The following FRMD4A variants were observed in gnomAD, a reference collection of about 807,000 sequenced individuals.
FRMD4A encodes the protein FERM domain-containing protein 4A.
A neutral mutation model predicts 129.1 loss-of-function variants in FRMD4A; 29 were observed. That is an observed-to-expected ratio of 0.22 (90% confidence interval 0.17 to 0.31). FRMD4A has a LOEUF of 0.31. FRMD4A is among the 10% of genes least tolerant of loss of function. The pLI, the probability that FRMD4A is intolerant of heterozygous loss-of-function variation, is 1.00. For missense variants in FRMD4A, 1,272 were observed against 1,375.8 expected (o/e 0.92, Z 1.19); for synonymous variants, 634 against 571.6 (o/e 1.11, Z -1.56).
At chr10:14,237,657 GAGAC>G (rs1479695059) in intron 2 of FRMD4A, among the ~76,000 whole-genome samples, 1 of 152,298 alleles carries the variant, frequency 6.6e-6, no homozygotes, top group East Asian at 1.9e-4. Context: ...TGTTGAGAGA[GAGAC>G]AGACAGAGAC....
chr10:14,111,119 G>A (rs567046701), intron 2 of FRMD4A, among the ~76,000 whole-genome samples: 3 of 152,086 alleles, frequency 2.0e-5, no homozygotes. Context: ...CAGAAATTTT[G>A]TATCCGTTAA....
At chr10:14,323,190 T>A (rs1213987712) in intron 2 of FRMD4A, among the ~76,000 whole-genome samples, 1 of 152,232 alleles carries the variant, frequency 6.6e-6, no homozygotes, top group Non-Finnish European at 1.5e-5. Context: ...GCAACTTGTT[T>A]CTTAGATGGA....
rs187784542 is a variant in FRMD4A, at chr10:13,741,831, G to T, written c.549-1254C>A. ...AACCAGCTACCAGAATTAGACAGGC[G>T]CTCCCTCCTTTTTTGAAATCTTAGG... On this transcript the variant is annotated intron_variant, in intron 9 of 24. Transcript: ENST00000357447. Among the ~76,000 whole-genome samples the T allele has an allele frequency of 5.1e-3, 776 of 152,236 alleles. 4 individuals are homozygous for T. The highest frequency in any genetic ancestry group is 0.014 in the Middle Eastern group (4 of 292).
intron 2 of FRMD4A, among the ~76,000 whole-genome samples, chr10:13,917,950 C>T (rs2095029009): frequency 6.6e-6 from 1 of 152,158 alleles, no homozygotes; most frequent in Non-Finnish European, 1.5e-5. Flanking sequence ...GTGGTGTGGG[C>T]AAGCGCACTG....
chr10:14,161,578 A>G (rs1362700643), intron 2 of FRMD4A, among the ~76,000 whole-genome samples: 1 of 152,228 alleles, frequency 6.6e-6, no homozygotes, highest in Non-Finnish European at 1.5e-5. Flanking sequence ...GAAAAATATC[A>G]CATATTCTCA....
intron 2 of FRMD4A, among the ~76,000 whole-genome samples, chr10:14,238,128 G>T (rs1281589944): frequency 1.3e-5 from 2 of 152,220 alleles, no homozygotes; most frequent in African/African-American, 2.4e-5. Context: ...CAAGGCACCA[G>T]TTACACTTCT....
At chr10:13,866,620 CA>C (rs1017843221) in intron 2 of FRMD4A, among the ~76,000 whole-genome samples, 14 of 152,166 alleles carry the variant, frequency 9.2e-5, no homozygotes, top group Non-Finnish European at 1.8e-4. Context: ...ACAGCAACCT[CA>C]AGAAATTTAC....
chr10:13,907,161 T>A (rs1328218460), intron 2 of FRMD4A, among the ~76,000 whole-genome samples: 2 of 152,192 alleles, frequency 1.3e-5, no homozygotes, highest in Non-Finnish European at 2.9e-5. Flanking sequence ...ATATTTTACA[T>A]CAGAAGGTAG....
chr10:13,757,901 A>T (rs1228107203), intron 8 of FRMD4A, among the ~76,000 whole-genome samples: 1 of 151,890 alleles, frequency 6.6e-6, no homozygotes, highest in Non-Finnish European at 1.5e-5. Context: ...ACACCACCAC[A>T]CCTGGCTAAT....
At chr10:13,740,930 A>G (rs913421904) in intron 9 of FRMD4A, among the ~76,000 whole-genome samples, 1 of 149,466 alleles carries the variant, frequency 6.7e-6, no homozygotes, top group African/African-American at 2.5e-5. Flanking sequence ...GAGTTCAAGC[A>G]ATTCTTGTGC....
intron 12 of FRMD4A, among the ~76,000 whole-genome samples, chr10:13,731,630 C>T (rs930802514): frequency 8.7e-6 from 1 of 115,474 alleles, no homozygotes. Flanking sequence ...GCCTGGGCAA[C>T]AAGAGCAAGA....
At chr10:13,934,791 T>C (rs7082056) in intron 2 of FRMD4A, among the ~76,000 whole-genome samples, 56,804 of 152,148 alleles carry the variant, frequency 0.37, 11,853 homozygotes, top group Non-Finnish European at 0.46. Flanking sequence ...TATCAGGTTA[T>C]GAAGAGAACC....
chr10:14,091,830 TA>T (rs1394351337), intron 2 of FRMD4A, among the ~76,000 whole-genome samples: 47 of 152,242 alleles, frequency 3.1e-4, no homozygotes, highest in African/African-American at 1.0e-3. Flanking sequence ...TCAGTTAGTA[TA>T]TGATGTGATT....
chr10:14,238,940 G>A (rs140969775), intron 2 of FRMD4A, among the ~76,000 whole-genome samples: 2 of 152,230 alleles, frequency 1.3e-5, no homozygotes, highest in African/African-American at 4.8e-5. Flanking sequence ...TCATTGATGG[G>A]TATTTTGGTT....
chr10:13,886,576 T>C (rs751138641), intron 2 of FRMD4A, among the ~76,000 whole-genome samples: 2 of 152,184 alleles, frequency 1.3e-5, no homozygotes, highest in Non-Finnish European at 2.9e-5. Context: ...CTTTCTTTTT[T>C]TTCCTTTATT....
chr10:13,702,834 A>G (rs1052277675), intron 13 of FRMD4A, among the ~76,000 whole-genome samples: 2 of 151,206 alleles, frequency 1.3e-5, no homozygotes, highest in African/African-American at 4.9e-5. Context: ...CTCACTTTTA[A>G]GGAGAAATTC....
intron 4 of FRMD4A, among the ~76,000 whole-genome samples, chr10:13,799,437 G>A (rs2093203371): frequency 2.0e-5 from 3 of 152,194 alleles, no homozygotes; most frequent in African/African-American, 7.2e-5. Context: ...GGATGACAGA[G>A]GTGAATGACT....
intron 2 of FRMD4A, among the ~76,000 whole-genome samples, chr10:14,041,252 A>C (rs564786952): frequency 6.6e-6 from 1 of 152,330 alleles, no homozygotes; most frequent in South Asian, 2.1e-4. Context: ...TGTGCCTCAA[A>C]TTCTTCTGAG....
chr10:13,847,667 A>G (rs1204204826), intron 3 of FRMD4A, among the ~76,000 whole-genome samples: 1 of 152,170 alleles, frequency 6.6e-6, no homozygotes, highest in African/African-American at 2.4e-5. Context: ...TGTGTGGACA[A>G]GGGAAGCCAT....
Sources: allele counts gnomAD v4.1 joint callset (sites outside exome capture counted in the v4.1 genomes callset), GRCh38; gene constraint gnomAD v4.1.1; transcripts MANE v1.5; gene names NCBI Gene and HGNC (gene_info 2026-07-23, HGNC 2026-07-21).